Variants in CCDC148 observed in about 807,000 individuals in gnomAD.
CCDC148 encodes coiled-coil domain-containing protein 148.
In CCDC148, 89 loss-of-function variants were observed where a neutral mutation model predicts 85.7. That is an observed-to-expected ratio of 1.04 (90% CI 0.87 to 1.24). The LOEUF (loss-of-function observed/expected upper bound fraction) is 1.24. CCDC148 is among the 50% of genes most tolerant of loss of function. The pLI, the probability that CCDC148 is intolerant of heterozygous loss-of-function variation, is 0.00. For missense variants in CCDC148, 692 were observed against 671.7 expected (o/e 1.03, Z -0.33); for synonymous variants, 230 against 213.9 (o/e 1.08, Z -0.66).
intron 2 of CCDC148, among the ~76,000 whole-genome samples, chr2:158,352,509 G>A (rs1683372804): frequency 6.6e-6 from 1 of 152,052 alleles, no homozygotes; most frequent in South Asian, 2.1e-4. Flanking sequence ...AATGAAGCGA[G>A]AAGGGAAGTT....
chr2:158,376,881 T>C (rs928118098), intron 1 of CCDC148, among the ~76,000 whole-genome samples: 6 of 152,012 alleles, frequency 3.9e-5, no homozygotes, highest in Non-Finnish European at 8.8e-5. Context: ...GAGGGGCTAA[T>C]TTTGAAGCAT....
Position 158,176,546 on chromosome 2 carries a change from G to A in CCDC148, c.1604C>T (p.Thr535Ile). 3 of 1,611,904 alleles carry A rather than the reference G, an allele frequency of 1.9e-6. No homozygotes were observed. Among genetic ancestry groups the A allele is most frequent in the African/African-American group, 1.3e-5 (1 of 74,924 alleles). The change falls in exon 13 of 14, where the codon ACA becomes ATA. Residue 535 changes from threonine (T) to isoleucine (I), a missense_variant. Thr to Ile is a moderately conservative substitution (Grantham distance 89). Coordinates refer to ENST00000283233, the MANE Select transcript of CCDC148 (RefSeq NM_138803.4). ...EEFILQKPLFTLNTYNEQQII... is the reference protein window; with the variant it reads ...EEFILQKPLFILNTYNEQQII... ...CTGCTGTTCATTGTATGTATTCAAT[G>A]TGAAGAGTGGCTTTTGAAGAATAAA...
intron 3 of CCDC148, among the ~76,000 whole-genome samples, chr2:158,342,577 C>A (rs535793505): frequency 7.2e-5 from 11 of 152,218 alleles, no homozygotes; most frequent in African/African-American, 1.7e-4. Context: ...CATAACAGAG[C>A]ATACTAACTG....
At chr2:158,370,699 G>C (rs1010509067) in intron 1 of CCDC148, among the ~76,000 whole-genome samples, 1 of 151,814 alleles carries the variant, frequency 6.6e-6, no homozygotes, top group East Asian at 1.9e-4. Context: ...GGAACCAAAA[G>C]ATGTACTATT....
At chr2:158,351,246 T>A (rs1683256725) in intron 2 of CCDC148, among the ~76,000 whole-genome samples, 1 of 152,194 alleles carries the variant, frequency 6.6e-6, no homozygotes, top group South Asian at 2.1e-4. Context: ...GATGGCCGAA[T>A]AGGAACAGCT....
intron 11 of CCDC148, among the ~76,000 whole-genome samples, chr2:158,205,908 T>C: frequency 6.6e-6 from 1 of 152,172 alleles, no homozygotes; most frequent in Non-Finnish European, 1.5e-5. Context: ...TCAAAACCTT[T>C]ATAGGTTCTC....
At chr2:158,212,433 A>C (rs946547600) in intron 11 of CCDC148, among the ~76,000 whole-genome samples, 1 of 152,210 alleles carries the variant, frequency 6.6e-6, no homozygotes, top group African/African-American at 2.4e-5. Context: ...TGTTAAGAAA[A>C]GACATGGAAA....
intron 9 of CCDC148, among the ~76,000 whole-genome samples, chr2:158,300,359 G>C (rs1691385126): frequency 6.6e-6 from 1 of 152,170 alleles, no homozygotes; most frequent in South Asian, 2.1e-4. Context: ...CTTACACCAA[G>C]ATGAATAAGA....
intron 7 of CCDC148, among the ~76,000 whole-genome samples, chr2:158,329,520 A>C (rs1236862387): frequency 2.0e-5 from 3 of 151,840 alleles, no homozygotes; most frequent in Non-Finnish European, 4.4e-5. Context: ...TATGAACTTT[A>C]AAGTAGTTTT....
intron 1 of CCDC148, among the ~76,000 whole-genome samples, chr2:158,393,717 G>A (rs77276698): frequency 0.18 from 26,899 of 152,154 alleles, 3,100 homozygotes; most frequent in Non-Finnish European, 0.25. Flanking sequence ...GAGCTGACAA[G>A]AGAGCAGATC....
chr2:158,443,018 G>T (rs1056709452), intron 1 of CCDC148, among the ~76,000 whole-genome samples: 4 of 151,616 alleles, frequency 2.6e-5, no homozygotes, highest in Admixed American at 6.6e-5. Context: ...AGGCATAGAA[G>T]AAGATCAGTC....
chr2:158,340,330 A>T lies in CCDC148; in HGVS notation c.398T>A (p.Leu133Gln). 2.5e-6 allele frequency: 4 copies of T among 1,613,986 alleles called. No individual in the cohort carries two copies. Among genetic ancestry groups the T allele is most frequent in the Non-Finnish European group, 3.4e-6 (4 of 1,179,936 alleles). Residue 133 changes from leucine to glutamine, a missense_variant, in exon 5 of 14, where the codon CTG becomes CAG. Leu to Gln is a moderately radical substitution (Grantham distance 113, BLOSUM62 -2). Transcript: ENST00000283233. ...CTGTCTGTATTTTAGATCTGCTCTC[A>T]GCTGCTGAATAGGATTTATTACATT... is the stretch of plus-strand genomic sequence containing the variant. ...LKNVINPIQQ[L>Q]RADLKYRQHH...
intron 1 of CCDC148, among the ~76,000 whole-genome samples, chr2:158,433,784 C>T (rs1687494809): frequency 6.6e-6 from 1 of 152,316 alleles, no homozygotes; most frequent in East Asian, 1.9e-4. Flanking sequence ...TAATACTGCG[C>T]TTTTCCAAGG....
chr2:158,194,917 G>C (rs1057346096), intron 11 of CCDC148, among the ~76,000 whole-genome samples: 8 of 151,668 alleles, frequency 5.3e-5, no homozygotes, highest in African/African-American at 1.9e-4. Flanking sequence ...TTTGGTTCCT[G>C]CCACAAGCCC....
intron 7 of CCDC148, among the ~76,000 whole-genome samples, chr2:158,333,720 T>G (rs1017249646): frequency 2.6e-5 from 4 of 152,134 alleles, no homozygotes; most frequent in African/African-American, 9.7e-5. Context: ...GCATATATAT[T>G]TAGGATAGTT....
At chr2:158,272,915 G>A (rs374690330) in intron 9 of CCDC148, among the ~76,000 whole-genome samples, 1 of 152,278 alleles carries the variant, frequency 6.6e-6, no homozygotes, top group Non-Finnish European at 1.5e-5. Context: ...ATCCCACAAT[G>A]TATACATACA....
At chr2:158,328,609 A>G (rs1692920186) in intron 7 of CCDC148, among the ~76,000 whole-genome samples, 1 of 152,118 alleles carries the variant, frequency 6.6e-6, no homozygotes, top group Non-Finnish European at 1.5e-5. Context: ...ACAATGGTTG[A>G]ACTAGTTTAC....
intron 1 of CCDC148, among the ~76,000 whole-genome samples, chr2:158,380,163 C>T (rs1218518095): frequency 6.6e-6 from 1 of 151,916 alleles, no homozygotes; most frequent in East Asian, 1.9e-4. Context: ...AAAACATGTA[C>T]AAAAAGATAT....
chr2:158,240,450 T>TCACACACACACA (rs1284517602), intron 10 of CCDC148, among the ~76,000 whole-genome samples: 15 of 92,478 alleles, frequency 1.6e-4, no homozygotes, highest in African/African-American at 5.1e-4. Flanking sequence ...TCTCTCTCTC[T>TCACACACACACA]CTCACACACA....
Sources: allele counts gnomAD v4.1 joint callset (sites outside exome capture counted in the v4.1 genomes callset), GRCh38; gene constraint gnomAD v4.1.1; transcripts MANE v1.5; gene names NCBI Gene and HGNC (gene_info 2026-07-23, HGNC 2026-07-21).